PTPRD: variants seen among roughly 807,000 people sequenced by gnomAD.
PTPRD encodes the protein receptor-type tyrosine-protein phosphatase delta.
Under a neutral mutation model 214.5 loss-of-function variants are expected in PTPRD, and 34 were observed. That is an observed-to-expected ratio of 0.16 (90% CI 0.12 to 0.21). PTPRD has a LOEUF of 0.21. Ranked by LOEUF, PTPRD falls within the 10% of genes least tolerant of loss-of-function variation. The pLI is 1.00. For synonymous variants in PTPRD, 1,128 were observed against 845.7 expected, an observed-to-expected ratio of 1.33 and a Z score of -5.79; for missense variants, 2,545 against 2,398.7, an observed-to-expected ratio of 1.06 and a Z score of -1.27.
At chr9:9,595,294 A>ATATATATATATATTATATATATTT (rs2093196383) in intron 7 of PTPRD, among the ~76,000 whole-genome samples, 1 of 57,986 alleles carries the variant, frequency 1.7e-5, no homozygotes, top group Non-Finnish European at 4.0e-5. Context: ...TATATTATAT[A>ATATATATATATATTATATATATTT]TATATATATA....
At chr9:9,930,852 G>A (rs192278894) in intron 5 of PTPRD, among the ~76,000 whole-genome samples, 216 of 151,994 alleles carry the variant, frequency 1.4e-3, no homozygotes, top group Admixed American at 2.0e-3. Context: ...GCACATTTCT[G>A]TATGGTTACC....
chr9:9,989,657 G>A (rs932554306), intron 4 of PTPRD, among the ~76,000 whole-genome samples: 1 of 152,174 alleles, frequency 6.6e-6, no homozygotes, highest in Non-Finnish European at 1.5e-5. Context: ...AAAGGGCACA[G>A]GTGTGGGTGC....
intron 4 of PTPRD, among the ~76,000 whole-genome samples, chr9:9,943,557 G>C (rs576139945): frequency 1.3e-5 from 2 of 152,038 alleles, no homozygotes; most frequent in African/African-American, 4.8e-5. Flanking sequence ...AATGAATAGC[G>C]AACATGTAAT....
intron 44 of PTPRD, among the ~76,000 whole-genome samples, chr9:8,326,545 C>G (rs1005514622): frequency 2.0e-5 from 3 of 151,488 alleles, no homozygotes; most frequent in African/African-American, 7.3e-5. Flanking sequence ...TTTGTTGTGT[C>G]TCTGCCAGGT....
At chr9:9,308,094 A>G (rs1957701714) in intron 9 of PTPRD, among the ~76,000 whole-genome samples, 1 of 152,182 alleles carries the variant, frequency 6.6e-6, no homozygotes, top group Admixed American at 6.5e-5. Context: ...GATGAAAAAG[A>G]GAATGTATAA....
intron 4 of PTPRD, among the ~76,000 whole-genome samples, chr9:9,948,230 A>G (rs977108038): frequency 6.6e-6 from 1 of 152,060 alleles, no homozygotes; most frequent in East Asian, 1.9e-4. Context: ...TTTTTGTTCT[A>G]TTACTATACT....
At chr9:8,339,588 T>TA (rs1410075429) in intron 42 of PTPRD, among the ~76,000 whole-genome samples, 1 of 152,100 alleles carries the variant, frequency 6.6e-6, no homozygotes. Context: ...CAAATCAGAG[T>TA]AAGTCAGTTA....
At chr9:8,335,074 G>A (rs1845261187) in intron 43 of PTPRD, among the ~76,000 whole-genome samples, 1 of 152,134 alleles carries the variant, frequency 6.6e-6, no homozygotes, top group South Asian at 2.1e-4. Context: ...GAGGTACAAA[G>A]AGGAGTTGGT....
chr9:8,979,836 C>T (rs773245796), intron 11 of PTPRD, among the ~76,000 whole-genome samples: 1 of 152,142 alleles, frequency 6.6e-6, no homozygotes, highest in East Asian at 1.9e-4. Context: ...CCTTCCTAAA[C>T]AAATTACAGC....
intron 3 of PTPRD, among the ~76,000 whole-genome samples, chr9:10,175,096 C>T (rs1332539621): frequency 6.6e-6 from 1 of 151,874 alleles, no homozygotes; most frequent in African/African-American, 2.4e-5. Context: ...TTAGGTATTG[C>T]CCTTTGGGTT....
At chr9:9,007,024 A>G (rs2099474330) in intron 11 of PTPRD, among the ~76,000 whole-genome samples, 1 of 151,998 alleles carries the variant, frequency 6.6e-6, no homozygotes, top group Non-Finnish European at 1.5e-5. Flanking sequence ...ATTTATAGCA[A>G]GTAAAAAGTA....
intron 7 of PTPRD, among the ~76,000 whole-genome samples, chr9:9,687,087 T>C (rs1008222555): frequency 6.6e-6 from 1 of 151,752 alleles, no homozygotes; most frequent in Admixed American, 6.6e-5. Context: ...TCAGTAAGTA[T>C]ATAATAAATT....
At chr9:10,174,920 A>G (rs572312281) in intron 3 of PTPRD, among the ~76,000 whole-genome samples, 1 of 152,256 alleles carries the variant, frequency 6.6e-6, no homozygotes, top group East Asian at 1.9e-4. Context: ...AATGGTAATC[A>G]GTAAAATTAG....
At chr9:9,277,479 G>A (rs1308668786) in intron 9 of PTPRD, among the ~76,000 whole-genome samples, 1 of 151,184 alleles carries the variant, frequency 6.6e-6, no homozygotes, top group Non-Finnish European at 1.5e-5. Context: ...AAATAAAAAA[G>A]TCTGTTAACA....
intron 10 of PTPRD, among the ~76,000 whole-genome samples, chr9:9,132,421 C>G (rs908841817): frequency 1.7e-4 from 26 of 152,006 alleles, no homozygotes; most frequent in African/African-American, 6.0e-4. Flanking sequence ...ACATCAGTAC[C>G]AATAATAATT....
chr9:8,502,122 G>A lies in PTPRD; in HGVS notation c.1823-1063C>T, dbSNP rs577998626. On this transcript the variant is annotated intron_variant, in intron 23 of 45. Coordinates refer to ENST00000381196, the MANE Select transcript of PTPRD (RefSeq NM_002839.4). ...CTAAATTAAACTAGTCACTTTCTGA[G>A]CAATCATTTTCCATCAAATTAACCA... Among the ~76,000 whole-genome samples, 4 of 152,010 alleles carry A rather than the reference G, an allele frequency of 2.6e-5. 1 individual carries two copies. The South Asian group carries it at 8.3e-4, about 32-fold the overall frequency.
At chr9:8,958,431 G>C (rs1480151076) in intron 11 of PTPRD, among the ~76,000 whole-genome samples, 1 of 151,828 alleles carries the variant, frequency 6.6e-6, no homozygotes, top group Non-Finnish European at 1.5e-5. Context: ...CATAATATTG[G>C]TGCAGTTTTG....
intron 3 of PTPRD, among the ~76,000 whole-genome samples, chr9:10,092,387 C>G (rs1309514124): frequency 6.6e-6 from 1 of 151,346 alleles, no homozygotes; most frequent in African/African-American, 2.4e-5. Context: ...ATTAATTATA[C>G]AGCTGCCCCC....
intron 4 of PTPRD, among the ~76,000 whole-genome samples, chr9:9,957,903 G>A (rs1259763961): frequency 3.3e-5 from 5 of 151,692 alleles, no homozygotes; most frequent in Non-Finnish European, 7.4e-5. Flanking sequence ...AAAATTAGAA[G>A]AGCCCAGAAT....
Sources: gnomAD v4.1 joint callset for allele counts (sites outside exome capture counted in the v4.1 genomes callset) on GRCh38, gnomAD v4.1.1 for gene constraint, MANE v1.5 for transcripts, NCBI Gene and HGNC (gene_info 2026-07-23, HGNC 2026-07-21) for gene names.